NTN1: variants seen among roughly 807,000 people sequenced by gnomAD.
The protein encoded by NTN1 is netrin 1.
A neutral mutation model predicts 54.2 loss-of-function variants in NTN1; 11 were observed. The ratio of observed to expected loss-of-function variants is 0.20; its 90% CI spans 0.13 to 0.34. NTN1 has a LOEUF of 0.34. NTN1 is among the 10% of genes least tolerant of loss of function. NTN1 has a pLI of 1.00. For missense variants in NTN1, 740 were observed against 893.1 expected (o/e 0.83, Z 2.18); for synonymous variants, 371 against 382.0 (o/e 0.97, Z 0.33).
At chr17:9,026,483 A>G (rs1334060793) in intron 2 of NTN1, among the ~76,000 whole-genome samples, 3 of 152,150 alleles carry the variant, frequency 2.0e-5, no homozygotes, top group Non-Finnish European at 4.4e-5. Context: ...GAATAACTAA[A>G]TACTTTCTTC....
In NTN1 at chr17:9,021,587, T is replaced by G. The variant is rs2091848138; in HGVS notation, c.-64+2T>G. 6.6e-6 allele frequency: 1 copy of G among 150,624 alleles called. No homozygotes were observed. Among genetic ancestry groups the G allele is most frequent in the Non-Finnish European group, 1.5e-5 (1 of 67,386 alleles). The allele number at this position is 150,624 out of a possible 1,614,324, so 9.3% of individuals were successfully genotyped here. A position where few individuals can be genotyped will look rare whatever the true frequency, so the allele number is the denominator to read the frequency against. ...GTGTGTGAGTGCGCGCCGGCCAGCG[T>G]GAGTGTGTGTGCGCCCCGGGCGCGG... is the stretch of plus-strand genomic sequence containing the variant. On this transcript the variant is annotated splice_donor_variant, in intron 1 of 6. Transcript: ENST00000173229. LOFTEE classifies it low-confidence loss of function (5UTR_SPLICE).
chr17:9,025,233 A>G (rs1208672355), intron 2 of NTN1, among the ~76,000 whole-genome samples: 1 of 152,210 alleles, frequency 6.6e-6, no homozygotes, highest in Non-Finnish European at 1.5e-5. Flanking sequence ...TCTTGCCGTC[A>G]GTTTGGATGT....
rs183166655 is a variant in NTN1 at position 9,227,274 on chromosome 17, A to G, written c.1486+6032A>G. ...CACACTTTATCACACAGGCACATAT[A>G]CCACATGCACGCATACACACATACA... On this transcript the variant is annotated intron_variant, in intron 6 of 6. Coordinates refer to ENST00000173229, the MANE Select transcript of NTN1 (RefSeq NM_004822.3). Among the ~76,000 whole-genome samples the G allele has an allele frequency of 1.5e-4, 23 of 151,370 alleles. No homozygotes were observed. The East Asian group carries it at 3.9e-3, about 26-fold the overall frequency.
intron 5 of NTN1, among the ~76,000 whole-genome samples, chr17:9,208,095 A>G (rs1905014140): frequency 6.6e-6 from 1 of 152,144 alleles, no homozygotes; most frequent in Non-Finnish European, 1.5e-5. Context: ...AGCCAGGCGT[A>G]GTGGTGTGTG....
At chr17:9,228,856 GTGTA>G (rs1567746366) in intron 6 of NTN1, among the ~76,000 whole-genome samples, 1 of 53,204 alleles carries the variant, frequency 1.9e-5, no homozygotes, top group African/African-American at 1.0e-4. Context: ...GTGTGTGACT[GTGTA>G]TGAGAGTGTG....
chr17:9,201,945 T>C (rs2142337290), intron 5 of NTN1, among the ~76,000 whole-genome samples: 1 of 148,480 alleles, frequency 6.7e-6, no homozygotes, highest in East Asian at 2.0e-4. Context: ...CCTAGCACTT[T>C]GGGAGGCCAA....
chr17:9,237,120 G>C (rs564872661), intron 6 of NTN1, among the ~76,000 whole-genome samples: 1 of 152,314 alleles, frequency 6.6e-6, no homozygotes, highest in Non-Finnish European at 1.5e-5. Flanking sequence ...TTAGCTTCTA[G>C]GGCTGCCAGA....
chr17:9,023,780 C>G (rs1242694107), intron 2 of NTN1, among the ~76,000 whole-genome samples: 1 of 152,210 alleles, frequency 6.6e-6, no homozygotes, highest in Non-Finnish European at 1.5e-5. Context: ...GCTGGGCTCG[C>G]GGTTGGGGAC....
upstream of NTN1, among the ~76,000 whole-genome samples, chr17:9,021,354 T>C (rs1567691192): frequency 7.0e-6 from 1 of 142,902 alleles, no homozygotes; most frequent in African/African-American, 2.6e-5. Flanking sequence ...CACCCGCCTG[T>C]GCTCTCCCTC....
chr17:9,163,473 C>CG (rs142754449), intron 3 of NTN1, among the ~76,000 whole-genome samples: 19,459 of 104,458 alleles, frequency 0.19, 1,867 homozygotes, highest in East Asian at 0.45. Flanking sequence ...TCACTCCCCC[C>CG]CGAAACACAC....
At chr17:9,142,730 C>A (rs902691191) in intron 2 of NTN1, among the ~76,000 whole-genome samples, 4 of 152,012 alleles carry the variant, frequency 2.6e-5, no homozygotes, top group Non-Finnish European at 5.9e-5. Flanking sequence ...AACCAACCAA[C>A]CAACCAAAAA....
At chr17:9,225,996 A>G (rs12943634) in intron 6 of NTN1, among the ~76,000 whole-genome samples, 53,877 of 152,004 alleles carry the variant, frequency 0.35, 9,613 homozygotes, top group East Asian at 0.46. Flanking sequence ...GGACCTGGGC[A>G]GCGGCCAGAG....
intron 2 of NTN1, among the ~76,000 whole-genome samples, chr17:9,145,292 G>A (rs980349285): frequency 2.0e-5 from 3 of 152,190 alleles, no homozygotes; most frequent in Non-Finnish European, 4.4e-5. Flanking sequence ...AACCTGTCTT[G>A]TTCCCAAGCC....
At chr17:9,134,128 C>A (rs1211376813) in intron 2 of NTN1, among the ~76,000 whole-genome samples, 1 of 151,124 alleles carries the variant, frequency 6.6e-6, no homozygotes, top group African/African-American at 2.4e-5. Flanking sequence ...TGGTCTTGAA[C>A]TCCTGACCTT....
intron 5 of NTN1, among the ~76,000 whole-genome samples, chr17:9,213,669 CTG>C (rs1422790902): frequency 6.6e-6 from 1 of 152,192 alleles, no homozygotes; most frequent in African/African-American, 2.4e-5. Flanking sequence ...ATTTTTAGCA[CTG>C]TCATCTGTTT....
At chr17:9,231,366 GAGTC>G (rs1905805099) in intron 6 of NTN1, among the ~76,000 whole-genome samples, 1 of 152,184 alleles carries the variant, frequency 6.6e-6, no homozygotes, top group African/African-American at 2.4e-5. Context: ...CCTGACCCCT[GAGTC>G]AGTTCATCCG....
rs1021079452 is a variant in NTN1 at position 9,105,113 on chromosome 17, C to T, written c.1019-57700C>T. Among the ~76,000 whole-genome samples the T allele has an allele frequency of 2.6e-5, 4 of 152,192 alleles. No individual in the cohort carries two copies. In the South Asian group the frequency reaches 6.2e-4, roughly 24 times the overall value. ...GAGCGTCCATTTCAGAATGAAAAGACGTGGTGTTAGCCCCTTTACCAGCAG... is the reference window on the plus strand; with the variant it reads ...GAGCGTCCATTTCAGAATGAAAAGATGTGGTGTTAGCCCCTTTACCAGCAG... On this transcript the variant is annotated intron_variant, in intron 2 of 6. Transcript: ENST00000173229.
At chr17:9,015,599 C>T in the NTN1 span, among the ~76,000 whole-genome samples, 3 of 152,000 alleles carry the variant, frequency 2.0e-5, no homozygotes, top group Non-Finnish European at 2.9e-5. Context: ...CCTGTATCCT[C>T]GTCCTCCTCA....
chr17:9,034,579 A>T (rs8068785), intron 2 of NTN1, among the ~76,000 whole-genome samples: 36,244 of 150,822 alleles, frequency 0.24, 5,029 homozygotes, highest in African/African-American at 0.38. Flanking sequence ...TGCACCACCA[A>T]GACCAGCTAA....
Sources: gnomAD v4.1 joint callset for allele counts (sites outside exome capture counted in the v4.1 genomes callset) on GRCh38, gnomAD v4.1.1 for gene constraint, MANE v1.5 for transcripts, NCBI Gene and HGNC (gene_info 2026-07-23, HGNC 2026-07-21) for gene names.